SPPL2A: variants seen among roughly 807,000 people sequenced by gnomAD.
SPPL2A encodes signal peptide peptidase like 2A.
SPPL2A carries 51 observed loss-of-function variants against 63.8 expected under a neutral mutation model. That is an observed-to-expected ratio of 0.80 (90% CI 0.64 to 1.01). SPPL2A has a LOEUF of 1.01. SPPL2A is among the 50% of genes least tolerant of loss of function. SPPL2A has a pLI of 0.00. For missense variants in SPPL2A, 553 were observed against 622.7 expected, an observed-to-expected ratio of 0.89 and a Z score of 1.19; for synonymous variants, 188 against 205.8, an observed-to-expected ratio of 0.91 and a Z score of 0.74.
At chr15:50,745,779 G>A (rs902044225) in intron 5 of SPPL2A, among the ~76,000 whole-genome samples, 10 of 151,940 alleles carry the variant, frequency 6.6e-5, no homozygotes, top group Non-Finnish European at 1.2e-4. Context: ...GGCCGGGCAC[G>A]GTAGCTCACG....
At chr15:50,746,777 C>T (rs2062861819) in intron 5 of SPPL2A, 1 of 151,250 alleles carries the variant, frequency 6.6e-6, no homozygotes, top group African/African-American at 2.4e-5. Flanking sequence ...AAGCAATTCT[C>T]CTGCCTCAGC....
rs779773104 is a variant in SPPL2A at position 50,722,104 on chromosome 15, A to T, written c.1327+20T>A. The T allele has an allele frequency of 2.2e-6, 3 of 1,356,842 alleles. No individual in the cohort carries two copies. The highest frequency in any genetic ancestry group is 4.6e-5 in the East Asian group (2 of 43,712). The allele number at this position is 1,356,842 out of a possible 1,614,324, so 84.1% of individuals were successfully genotyped here. ...GACAATACAATTCAACATTTAATAC[A>T]AAGAAAAACAAAAATTTACCAACTG... On this transcript the variant is annotated intron_variant, in intron 13 of 14. Transcript: ENST00000261854.
chr15:50,724,552 T>C (rs1295683895), intron 12 of SPPL2A, among the ~76,000 whole-genome samples: 3 of 148,726 alleles, frequency 2.0e-5, no homozygotes, highest in Non-Finnish European at 3.0e-5. Context: ...CGCTCCAGCC[T>C]GGGCAACAGA....
chr15:50,725,575 CATGAGCCACCAT>C, intron 11 of SPPL2A: 1 of 284,700 alleles, frequency 3.5e-6, no homozygotes, highest in Non-Finnish European at 6.6e-6. Context: ...GGATTACAGG[CATGAGCCACCAT>C]GCCTGGCTAA....
At position 50,726,032 on chromosome 15, in the gene SPPL2A, G is replaced by A. The variant is rs2062684988; in HGVS notation, c.1146+289C>T. The A allele has an allele frequency of 2.3e-6, 3 of 1,281,286 alleles. No individual in the cohort carries two copies. The African/African-American group carries it at 4.5e-5, about 19-fold the overall frequency. The allele number at this position is 1,281,286 out of a possible 1,614,324, so 79.4% of individuals were successfully genotyped here. The stretch of plus-strand genomic sequence containing the variant: ...AGAAGAGTCTTGTCTCAGAGGGTAT[G>A]ATTTAAAGTCCAATGAACATATCTA... On this transcript the variant is annotated intron_variant, in intron 11 of 14. Transcript: ENST00000261854.
rs754752843 is a variant in SPPL2A, at chr15:50,722,197, C to T, written c.1254G>A (p.Leu418=). Residue 418 remains leucine (L), a synonymous_variant, in exon 13 of 15, where the codon CTG becomes CTA. Coordinates refer to ENST00000261854, the MANE Select transcript of SPPL2A (RefSeq NM_032802.4). ...LGFGDIIVPG[L]LIAYCRRFDV... ...CAAATCTTCTACAGTATGCAATCAA[C>T]AGGCCTTAAAAACAAAACAAAACAT... 3.2e-6 allele frequency: 5 copies of T among 1,579,292 alleles called. No individual in the cohort carries two copies. Among genetic ancestry groups the T allele is most frequent in the South Asian group, 2.2e-5 (2 of 90,428 alleles).
rs1034582435 is a variant in SPPL2A, at chr15:50,707,694, G to A, written c.*106C>T. ...AGCTCATAAAAATATATTTTTGCAA[G>A]CATATCATTGAAGACTCTTTCAGAT... is the stretch of plus-strand genomic sequence containing the variant. On this transcript the variant is annotated 3_prime_UTR_variant, in exon 15 of 15. Transcript: ENST00000261854. The A allele has an allele frequency of 3.1e-6, 2 of 644,646 alleles. No individual in the cohort carries two copies. Among genetic ancestry groups the A allele is most frequent in the Non-Finnish European group, 5.6e-6 (2 of 356,774 alleles). 39.9% of individuals were successfully genotyped at this position (644,646 alleles called of 1,614,324 possible).
intron 14 of SPPL2A, among the ~76,000 whole-genome samples, chr15:50,714,517 G>T (rs2062584593): frequency 6.6e-6 from 1 of 151,892 alleles, no homozygotes; most frequent in South Asian, 2.1e-4. Flanking sequence ...TTTAATACCA[G>T]CTACTTGGGA....
rs1555440537 is a variant in SPPL2A at position 50,712,679 on chromosome 15, CTTTT to C, written c.1489-4809_1489-4806del. 1.6e-4 allele frequency among the ~76,000 whole-genome samples: 16 copies of C among 102,948 alleles called. 1 individual carries two copies. The highest frequency in any genetic ancestry group is 4.8e-3 in the Middle Eastern group (1 of 210). 67.5% of individuals were successfully genotyped at this position (102,948 alleles called of 152,430 possible). ...TCCCTTCCTCCCTCCCTCCCCCCCC[CTTTT>C]TTTTTTTTTTTCTCGAGGCGGAGTC... On this transcript the variant is annotated intron_variant, in intron 14 of 14. Coordinates refer to ENST00000261854, the MANE Select transcript of SPPL2A (RefSeq NM_032802.4).
Position 50,725,435 on chromosome 15 carries a change from T to C in SPPL2A, c.1147-112A>G, listed in dbSNP as rs531685240. 6 of 668,410 alleles carry C rather than the reference T, an allele frequency of 9.0e-6. No individual in the cohort carries two copies. The East Asian group carries it at 1.1e-4, about 12-fold the overall frequency. 41.4% of individuals were successfully genotyped at this position (668,410 alleles called of 1,614,324 possible). ...TATCTTTTATTTACTAATTTATTTT[T>C]TGGAGACAGAGTCTCGCTCTGTCGC... On this transcript the variant is annotated intron_variant, in intron 11 of 14. Coordinates refer to ENST00000261854, the MANE Select transcript of SPPL2A (RefSeq NM_032802.4).
intron 8 of SPPL2A, among the ~76,000 whole-genome samples, chr15:50,735,534 CAT>C (rs921131850): frequency 1.0e-4 from 13 of 124,804 alleles, no homozygotes; most frequent in African/African-American, 3.3e-4. Context: ...CACACACACA[CAT>C]ATATACATAC....
At position 50,749,637 on chromosome 15, in the gene SPPL2A, G is replaced by GCAAGTACCCTTA. The variant is rs1421241739; in HGVS notation, c.175_176insTAAGGGTACTTG (p.Asn58_Ala59insValArgValLeu). ...GAATAGTAACTGTGATTTACTTACT[G>GCAAGTACCCTTA]CATTTTCTAGGGTACTTGGAAGAGC... On this transcript the variant is annotated inframe_insertion and splice_region_variant, in exon 2 of 15. Coordinates refer to ENST00000261854, the MANE Select transcript of SPPL2A (RefSeq NM_032802.4). The GCAAGTACCCTTA allele has an allele frequency of 1.3e-6, 2 of 1,546,374 alleles. No individual in the cohort carries two copies. The highest frequency in any genetic ancestry group is 2.7e-5 in the African/African-American group (2 of 73,470).
At position 50,748,163 on chromosome 15, in the gene SPPL2A, T is replaced by C. The variant is rs1477650649; in HGVS notation, c.400A>G (p.Lys134Glu). 6 of 1,517,190 alleles carry C rather than the reference T, an allele frequency of 4.0e-6. No individual in the cohort carries two copies. Among genetic ancestry groups the C allele is most frequent in the Non-Finnish European group, 4.4e-6 (5 of 1,133,874 alleles). The allele number at this position is 1,517,190 out of a possible 1,614,324, so 94.0% of individuals were successfully genotyped here. The stretch of plus-strand genomic sequence containing the variant: ...TAGCTTATAAATGCAATCAGTATTT[T>C]CACATCAGGAAATTCAGATCTGTTA... ...SGNRSEFPDV[K>E]ILIAFISYKD... The change falls in exon 4 of 15, where the codon AAA (lysine) becomes GAA (glutamate). Residue 134 changes from lysine (K) to glutamate (E), a missense_variant. Lys to Glu is a moderately conservative substitution (Grantham distance 56). Coordinates refer to ENST00000261854, the MANE Select transcript of SPPL2A (RefSeq NM_032802.4).
At chr15:50,731,964 A>T (rs1188695039) in intron 9 of SPPL2A, among the ~76,000 whole-genome samples, 1 of 126,300 alleles carries the variant, frequency 7.9e-6, no homozygotes, top group African/African-American at 3.0e-5. Context: ...AAAAAAAAAA[A>T]TATTTTAGGC....
chr15:50,729,195 T>A (rs962744533), intron 10 of SPPL2A, among the ~76,000 whole-genome samples: 5 of 151,986 alleles, frequency 3.3e-5, no homozygotes, highest in Non-Finnish European at 5.9e-5. Flanking sequence ...TCAAGTGATC[T>A]GCCTGCCTTG....
At chr15:50,742,180 C>T (rs2141045690) in intron 5 of SPPL2A, among the ~76,000 whole-genome samples, 1 of 152,128 alleles carries the variant, frequency 6.6e-6, no homozygotes, top group East Asian at 1.9e-4. Flanking sequence ...GAGGCTGAGG[C>T]AGGCGGATCA....
intron 1 of SPPL2A, among the ~76,000 whole-genome samples, chr15:50,758,830 C>T (rs2062984050): frequency 1.3e-5 from 2 of 152,230 alleles, no homozygotes; most frequent in South Asian, 2.1e-4. Flanking sequence ...TTTGGATTTT[C>T]ATAAACGGAC....
At chr15:50,724,397 A>G (rs2062670528) in intron 12 of SPPL2A, among the ~76,000 whole-genome samples, 1 of 152,120 alleles carries the variant, frequency 6.6e-6, no homozygotes, top group Admixed American at 6.6e-5. Flanking sequence ...TAACACGGTG[A>G]AACCCAGTCT....
chr15:50,721,242 C>T (rs2062644079), intron 13 of SPPL2A, among the ~76,000 whole-genome samples: 1 of 152,140 alleles, frequency 6.6e-6, no homozygotes, highest in African/African-American at 2.4e-5. Context: ...CCATGTTGGC[C>T]AGGCTGGTCT....
Sources: allele counts gnomAD v4.1 joint callset (sites outside exome capture counted in the v4.1 genomes callset), GRCh38; gene constraint gnomAD v4.1.1; transcripts MANE v1.5; gene names NCBI Gene and HGNC (gene_info 2026-07-23, HGNC 2026-07-21).